Variants in SUFU observed in about 807,000 individuals in gnomAD.
SUFU encodes the protein suppressor of fused homolog.
A neutral mutation model predicts 58.9 loss-of-function variants in SUFU; 7 were observed. The ratio of observed to expected loss-of-function variants is 0.12; its 90% CI spans 0.07 to 0.22. The LOEUF (loss-of-function observed/expected upper bound fraction) is 0.22. SUFU is among the 10% of genes least tolerant of loss of function. The pLI is 1.00. For missense variants in SUFU, 451 were observed against 641.3 expected, an observed-to-expected ratio of 0.70 and a Z score of 3.20; for synonymous variants, 232 against 254.8, an observed-to-expected ratio of 0.91 and a Z score of 0.85.
intron 1 of SUFU, among the ~76,000 whole-genome samples, chr10:102,505,439 G>A (rs897363676): frequency 6.6e-6 from 1 of 152,206 alleles, no homozygotes; most frequent in Middle Eastern, 3.2e-3. Context: ...TCTTCAATGA[G>A]TCTTGAAAGA....
chr10:102,604,044 C>T (rs554247834), intron 8 of SUFU, among the ~76,000 whole-genome samples: 14 of 152,330 alleles, frequency 9.2e-5, no homozygotes, highest in African/African-American at 3.1e-4. Context: ...TGTTGGGTAA[C>T]CCTGCTTCAA....
intron 2 of SUFU, among the ~76,000 whole-genome samples, chr10:102,532,340 G>A (rs1225515290): frequency 2.0e-5 from 3 of 152,140 alleles, no homozygotes; most frequent in Non-Finnish European, 4.4e-5. Context: ...AGCCCTCTAG[G>A]GCAGGGAGCA....
At chr10:102,593,951 C>T (rs1203762274) in intron 5 of SUFU, 42 bp from the exon 6 acceptor site, 5 of 1,611,560 alleles carry the variant, frequency 3.1e-6, no homozygotes, top group Non-Finnish European at 3.4e-6. Context: ...CCATCAGCCC[C>T]AGACCCTCAG....
At chr10:102,546,415 C>T (rs1304553414) in intron 2 of SUFU, among the ~76,000 whole-genome samples, 7 of 152,202 alleles carry the variant, frequency 4.6e-5, no homozygotes, top group Non-Finnish European at 8.8e-5. Context: ...TACCACCAGC[C>T]AGTATTTTAG....
intron 6 of SUFU, 133 bp from the exon 7 acceptor site, chr10:102,597,007 C>T: frequency 9.4e-7 from 1 of 1,062,432 alleles, no homozygotes; most frequent in Middle Eastern, 2.3e-4. Context: ...AGAGATCCTG[C>T]TCTCCAGCAT....
At chr10:102,547,996 A>G (rs1301796450) in intron 2 of SUFU, among the ~76,000 whole-genome samples, 5 of 151,860 alleles carry the variant, frequency 3.3e-5, no homozygotes, top group African/African-American at 9.7e-5. Context: ...ACTAAAAAAA[A>G]AGAAAGAAAT....
Position 102,542,007 on chromosome 10 carries a change from C to G in SUFU, c.318-7963C>G, listed in dbSNP as rs373725537. ...TCAAGCAGTTCTCCTGCCTCAGTCT[C>G]CCGAGTAGCTGAGATTACAGGCATG... is the stretch of plus-strand genomic sequence containing the variant. On this transcript the variant is annotated intron_variant, in intron 2 of 11. Coordinates refer to ENST00000369902, the MANE Select transcript of SUFU (RefSeq NM_016169.4). Among the ~76,000 whole-genome samples, 134 of 151,422 alleles carry G rather than the reference C, an allele frequency of 8.8e-4. 1 individual carries two copies. Among genetic ancestry groups the G allele is most frequent in the African/African-American group, 3.2e-3 (131 of 41,274 alleles).
intron 3 of SUFU, among the ~76,000 whole-genome samples, chr10:102,578,480 C>T (rs1338528753): frequency 6.6e-6 from 1 of 151,792 alleles, no homozygotes; most frequent in African/African-American, 2.4e-5. Context: ...GAGGCTGAGG[C>T]GGGTGGATCA....
At chr10:102,544,049 T>C (rs1483768350) in intron 2 of SUFU, among the ~76,000 whole-genome samples, 1 of 152,082 alleles carries the variant, frequency 6.6e-6, no homozygotes, top group African/African-American at 2.4e-5. Context: ...TGATGAGCCC[T>C]GATTGTGCAG....
intron 1 of SUFU, among the ~76,000 whole-genome samples, chr10:102,505,016 C>G (rs1023494017): frequency 4.6e-5 from 7 of 152,192 alleles, no homozygotes; most frequent in Non-Finnish European, 8.8e-5. Context: ...TGCAGAGCTT[C>G]CTCCTAGCTC....
chr10:102,597,302 C>T lies in SUFU; in HGVS notation c.910+9C>T, dbSNP rs998413406. On this transcript the variant is annotated intron_variant, in intron 7 of 11. Coordinates refer to ENST00000369902, the MANE Select transcript of SUFU (RefSeq NM_016169.4). ...GCGACTCTCTGGCAAAGGTGGGAGCCATCACTCAGCATTCCACCAGCCTTC... is the reference window on the plus strand; with the variant it reads ...GCGACTCTCTGGCAAAGGTGGGAGCTATCACTCAGCATTCCACCAGCCTTC... 4.3e-6 allele frequency: 7 copies of T among 1,610,546 alleles called. No individual in the cohort carries two copies. Among genetic ancestry groups the T allele is most frequent in the Non-Finnish European group, 5.9e-6 (7 of 1,178,422 alleles).
intron 8 of SUFU, among the ~76,000 whole-genome samples, chr10:102,612,555 T>C (rs915860878): frequency 5.9e-5 from 9 of 152,280 alleles, no homozygotes; most frequent in African/African-American, 2.2e-4. Flanking sequence ...TCTAGCCCTG[T>C]GTGCTGTTGA....
intron 3 of SUFU, among the ~76,000 whole-genome samples, chr10:102,566,764 CAAAA>C (rs1213985884): frequency 1.7e-3 from 128 of 73,538 alleles, no homozygotes; most frequent in African/African-American, 6.2e-3. Flanking sequence ...GACTCTGTCT[CAAAA>C]AAAAAAAAAA....
At chr10:102,598,274 T>C (rs1007141851) in intron 7 of SUFU, among the ~76,000 whole-genome samples, 4 of 152,074 alleles carry the variant, frequency 2.6e-5, no homozygotes, top group Non-Finnish European at 5.9e-5. Context: ...AGCCTCAGCA[T>C]CCCAAGTAGC....
intron 3 of SUFU, among the ~76,000 whole-genome samples, chr10:102,550,669 A>G (rs898541620): frequency 6.6e-6 from 1 of 151,122 alleles, no homozygotes; most frequent in Non-Finnish European, 1.5e-5. Flanking sequence ...TTTGAGGGTG[A>G]TGTTCCTTGG....
In SUFU at chr10:102,593,024, T is replaced by C. The variant is rs188959237; in HGVS notation, c.597+300T>C. On this transcript the variant is annotated intron_variant, in intron 4 of 11. Coordinates refer to ENST00000369902, the MANE Select transcript of SUFU (RefSeq NM_016169.4). ...AGACCCAGTCTCAGGAACAGGACTT[T>C]CCAGCGGGAAGCCAGCTCTGGGTCG... Among the ~76,000 whole-genome samples, 11 of 152,274 alleles carry C rather than the reference T, an allele frequency of 7.2e-5. No homozygotes were observed. In the East Asian group the frequency reaches 2.1e-3, roughly 29 times the overall value.
intron 2 of SUFU, among the ~76,000 whole-genome samples, chr10:102,534,097 C>T (rs541903619): frequency 5.3e-5 from 8 of 152,114 alleles, no homozygotes; most frequent in South Asian, 2.1e-4. Context: ...TGAAGGAGAC[C>T]GTGTGGTGAG....
intron 2 of SUFU, among the ~76,000 whole-genome samples, chr10:102,538,768 A>G (rs1187081308): frequency 2.0e-5 from 3 of 152,198 alleles, no homozygotes; most frequent in Admixed American, 6.5e-5. Flanking sequence ...GTGAGAAGGT[A>G]TATAAGTGAA....
At chr10:102,510,827 AAAT>A (rs2062391931) in intron 2 of SUFU, among the ~76,000 whole-genome samples, 2 of 151,470 alleles carry the variant, frequency 1.3e-5, no homozygotes, top group African/African-American at 4.9e-5. Flanking sequence ...TGTCTTAAAA[AAAT>A]AATAATTAGG....
Sources: allele counts gnomAD v4.1 joint callset (sites outside exome capture counted in the v4.1 genomes callset), GRCh38; gene constraint gnomAD v4.1.1; transcripts MANE v1.5; gene names NCBI Gene and HGNC (gene_info 2026-07-23, HGNC 2026-07-21).